XKR6: variants seen among roughly 807,000 people sequenced by gnomAD.
The protein encoded by XKR6 is XK-related protein 6.
Under a neutral mutation model 56.7 loss-of-function variants are expected in XKR6, and 22 were observed. That is an observed-to-expected ratio of 0.39 (90% CI 0.28 to 0.55). The LOEUF (loss-of-function observed/expected upper bound fraction) is 0.55, where lower values mean the gene tolerates loss of function less well. XKR6 is among the 20% of genes least tolerant of loss of function. The pLI is 0.66. For synonymous variants in XKR6, 524 were observed against 387.8 expected, an observed-to-expected ratio of 1.35 and a Z score of -4.13; for missense variants, 852 against 889.0, an observed-to-expected ratio of 0.96 and a Z score of 0.53.
Position 11,201,181 on chromosome 8 carries a change from C to T in XKR6, c.159G>A (p.Ser53=). Residue 53 remains serine, a synonymous_variant, in exon 1 of 3, where the codon TCG becomes TCA. Coordinates refer to ENST00000416569, the MANE Select transcript of XKR6 (RefSeq NM_173683.4). ...TGTTGCAGCAGTGGCAGATGTGCAT[C>T]GAGCTGCTCTCGCCGGGCTCGCTGC... ...GDGSEPGESS[S]MHICHCCNTS... is the part of the protein sequence containing the mutation. 6.5e-7 allele frequency: 1 copy of T among 1,527,754 alleles called. No individual in the cohort carries two copies. Among genetic ancestry groups the T allele is most frequent in the Non-Finnish European group, 8.7e-7 (1 of 1,143,994 alleles). 94.6% of individuals were successfully genotyped at this position (1,527,754 alleles called of 1,614,324 possible).
chr8:11,049,232 C>G (rs1799484085), intron 1 of XKR6, among the ~76,000 whole-genome samples: 1 of 152,252 alleles, frequency 6.6e-6, no homozygotes. Context: ...AAGGCACCCA[C>G]TGGCTTAATG....
chr8:11,070,216 G>C (rs918922332), intron 1 of XKR6, among the ~76,000 whole-genome samples: 3 of 152,184 alleles, frequency 2.0e-5, no homozygotes, highest in Non-Finnish European at 4.4e-5. Context: ...CACTACTCAT[G>C]TATTTGCCCT....
At chr8:10,973,389 C>A (rs972395358) in intron 1 of XKR6, among the ~76,000 whole-genome samples, 6 of 152,176 alleles carry the variant, frequency 3.9e-5, no homozygotes, top group Non-Finnish European at 8.8e-5. Context: ...GGACCCCAAC[C>A]TGAGAAGTAA....
At chr8:10,993,074 A>C (rs192814204) in intron 1 of XKR6, among the ~76,000 whole-genome samples, 4 of 152,366 alleles carry the variant, frequency 2.6e-5, no homozygotes, top group Admixed American at 6.5e-5. Flanking sequence ...TTAAAAGTGT[A>C]TATGTGTGTG....
intron 1 of XKR6, chr8:11,113,981 A>G (rs1799033982): frequency 2.8e-6 from 1 of 358,904 alleles, no homozygotes; most frequent in East Asian, 8.5e-5. Flanking sequence ...GCCATTTACC[A>G]TGCGGGCTGA....
chr8:11,194,090 G>A (rs968340934), intron 1 of XKR6, among the ~76,000 whole-genome samples: 2 of 152,116 alleles, frequency 1.3e-5, no homozygotes, highest in Non-Finnish European at 2.9e-5. Context: ...ACTCTACTCC[G>A]AATCAGCACC....
At chr8:11,138,302 A>C (rs1314957715) in intron 1 of XKR6, 1 of 152,758 alleles carries the variant, frequency 6.5e-6, no homozygotes, top group Non-Finnish European at 1.5e-5. Context: ...AGTATGAACA[A>C]CTATGAGTTA....
intron 1 of XKR6, among the ~76,000 whole-genome samples, chr8:11,041,654 A>G (rs115682052): frequency 0.031 from 4,765 of 152,090 alleles, 252 homozygotes; most frequent in African/African-American, 0.11. Flanking sequence ...GTACGTGGGT[A>G]GTGGGGTTGT....
In XKR6 at chr8:10,938,021, G is replaced by T. The variant is rs529502913; in HGVS notation, c.765-13191C>A. Among the ~76,000 whole-genome samples the T allele has an allele frequency of 3.2e-4, 48 of 152,180 alleles. 1 individual carries two copies. Among genetic ancestry groups the T allele is most frequent in the African/African-American group, 1.1e-3 (44 of 41,514 alleles). The stretch of plus-strand genomic sequence containing the variant: ...CAGCCTCGCTGCCGCCTTGCAGTTT[G>T]ATCTCAGACTGCTGTGCCAGCAATC... On this transcript the variant is annotated intron_variant, in intron 1 of 2. Coordinates refer to ENST00000416569, the MANE Select transcript of XKR6 (RefSeq NM_173683.4).
At chr8:11,080,015 G>A (rs1008573753) in intron 1 of XKR6, among the ~76,000 whole-genome samples, 5 of 151,840 alleles carry the variant, frequency 3.3e-5, no homozygotes, top group Middle Eastern at 3.4e-3. Flanking sequence ...ATGAAATAAA[G>A]TTGAAAAATA....
At chr8:11,062,794 CAGCCCCACCTCCCAGCCTCCTCGG>C in intron 1 of XKR6, 2 of 455,948 alleles carry the variant, frequency 4.4e-6, no homozygotes, top group Non-Finnish European at 8.8e-6. Flanking sequence ...GGCACAGAGC[CAGCCCCACCTCCCAGCCTCCTCGG>C]CAATCAGCGT....
At chr8:11,167,384 A>G (rs891398398) in intron 1 of XKR6, among the ~76,000 whole-genome samples, 15 of 152,220 alleles carry the variant, frequency 9.9e-5, no homozygotes, top group Admixed American at 3.3e-4. Flanking sequence ...GAACGCATTC[A>G]TAAATTTTTA....
intron 1 of XKR6, among the ~76,000 whole-genome samples, chr8:11,048,096 C>G (rs973394412): frequency 3.3e-5 from 5 of 152,104 alleles, no homozygotes; most frequent in Admixed American, 6.5e-5. Flanking sequence ...CTGTATCCTT[C>G]GATCACACAC....
At chr8:11,105,569 G>A (rs139131208) in intron 1 of XKR6, 2 of 152,328 alleles carry the variant, frequency 1.3e-5, no homozygotes, top group Non-Finnish European at 2.9e-5. Flanking sequence ...TGATGACTGG[G>A]TAGAAAAGTT....
At chr8:10,926,599 G>A (rs1189480530) in intron 1 of XKR6, among the ~76,000 whole-genome samples, 7 of 152,246 alleles carry the variant, frequency 4.6e-5, no homozygotes, top group Admixed American at 4.6e-4. Context: ...GAAGGTTGGG[G>A]CACCAGGCCC....
chr8:11,181,165 G>C (rs753067940), intron 1 of XKR6, among the ~76,000 whole-genome samples: 1 of 152,172 alleles, frequency 6.6e-6, no homozygotes, highest in Non-Finnish European at 1.5e-5. Flanking sequence ...TCCATCTTTG[G>C]TGAGGGGATT....
intron 1 of XKR6, among the ~76,000 whole-genome samples, chr8:11,012,041 C>G (rs568346953): frequency 6.6e-6 from 1 of 152,332 alleles, no homozygotes; most frequent in East Asian, 1.9e-4. Flanking sequence ...TTCTCAGCCC[C>G]ACTAAGGACT....
At chr8:11,102,810 G>A (rs977139623) in intron 1 of XKR6, among the ~76,000 whole-genome samples, 1 of 152,186 alleles carries the variant, frequency 6.6e-6, no homozygotes, top group African/African-American at 2.4e-5. Flanking sequence ...CCTGTCCCTA[G>A]CTCAGAACTG....
intron 2 of XKR6, among the ~76,000 whole-genome samples, chr8:10,909,165 CAAA>C (rs33974218): frequency 5.5e-4 from 77 of 140,726 alleles, no homozygotes; most frequent in African/African-American, 9.7e-4. Flanking sequence ...GACTCTGTCT[CAAA>C]AAAAAAAAAA....
Sources: gnomAD v4.1 joint callset for allele counts (sites outside exome capture counted in the v4.1 genomes callset) on GRCh38, gnomAD v4.1.1 for gene constraint, MANE v1.5 for transcripts, NCBI Gene and HGNC (gene_info 2026-07-23, HGNC 2026-07-21) for gene names.